The following TUT7 variants were observed in gnomAD, a reference collection of about 807,000 sequenced individuals.
TUT7 encodes the protein terminal uridylyltransferase 7.
TUT7 carries 33 observed loss-of-function variants against 165.9 expected under a neutral mutation model. The ratio of observed to expected loss-of-function variants is 0.20; its 90% CI spans 0.15 to 0.27. The LOEUF is 0.27. Among genes scored for constraint, TUT7 ranks in the 10% least tolerant of loss-of-function variants. TUT7 has a pLI of 1.00. For missense variants in TUT7, 1,338 were observed against 1,762.3 expected, an observed-to-expected ratio of 0.76 and a Z score of 4.31; for synonymous variants, 552 against 608.1, an observed-to-expected ratio of 0.91 and a Z score of 1.36.
chr9:86,330,503 T>C (rs1016419030), intron 10 of TUT7, among the ~76,000 whole-genome samples: 3 of 152,222 alleles, frequency 2.0e-5, no homozygotes, highest in Admixed American at 1.3e-4. Flanking sequence ...TATTTCTTGG[T>C]TGGATGTATG....
chr9:86,341,843 T>G (rs1227256899), intron 6 of TUT7, among the ~76,000 whole-genome samples: 1 of 152,184 alleles, frequency 6.6e-6, no homozygotes, highest in Non-Finnish European at 1.5e-5. Flanking sequence ...CCTTGTCATT[T>G]TCTATCCCTG....
At chr9:86,308,667 C>A in intron 21 of TUT7, 61 bp from the exon 22 acceptor site, 3 of 1,361,682 alleles carry the variant, frequency 2.2e-6, no homozygotes, top group South Asian at 3.2e-5. Context: ...TATCAATATT[C>A]ATTTGTATTT....
intron 26 of TUT7, among the ~76,000 whole-genome samples, chr9:86,292,239 T>C (rs188135897): frequency 1.3e-5 from 2 of 152,292 alleles, no homozygotes; most frequent in East Asian, 1.9e-4. Context: ...TGCCATGATA[T>C]GCCATTTTAA....
In TUT7 at chr9:86,298,014, C is replaced by T. The variant is rs1280881530; in HGVS notation, c.4420+3262G>A. On this transcript the variant is annotated intron_variant, in intron 26 of 26. Coordinates refer to ENST00000375963, the MANE Select transcript of TUT7 (RefSeq NM_024617.4). ...CCTCAGTGATGCTGCAGGACAACAC[C>T]TGTTTCCATCTCTGAGTTTACCAGT... 4.1e-5 allele frequency among the ~76,000 whole-genome samples: 6 copies of T among 147,522 alleles called. No homozygotes were observed. In the East Asian group the frequency reaches 1.3e-3, roughly 31 times the overall value.
At chr9:86,321,080 CG>C (rs1829241654) in intron 14 of TUT7, among the ~76,000 whole-genome samples, 1 of 151,936 alleles carries the variant, frequency 6.6e-6, no homozygotes, top group Non-Finnish European at 1.5e-5. Flanking sequence ...TGGCCGGGAG[CG>C]GTGGCTCACG....
intron 26 of TUT7, 135 bp from the exon 27 acceptor site, chr9:86,288,879 A>C: frequency 3.2e-6 from 2 of 615,778 alleles, no homozygotes; most frequent in Non-Finnish European, 5.7e-6. Context: ...TGAATCAAGT[A>C]ATAAGACTTG....
chr9:86,339,988 T>G, intron 8 of TUT7, 48 bp downstream of exon 8: 1 of 1,465,512 alleles, frequency 6.8e-7, no homozygotes, highest in African/African-American at 1.4e-5. Flanking sequence ...GTACTTGTGC[T>G]TTTGGCAAGT....
chr9:86,303,232 A>G (rs1827114124), intron 24 of TUT7, 31 bp from the exon 25 acceptor site: 2 of 1,262,356 alleles, frequency 1.6e-6, no homozygotes, highest in African/African-American at 3.0e-5. Context: ...AAAAGCCTGA[A>G]CTATTCACGT....
At chr9:86,346,203 G>T in intron 3 of TUT7, 96 bp downstream of exon 3, 2 of 1,163,640 alleles carry the variant, frequency 1.7e-6, no homozygotes, top group Non-Finnish European at 2.4e-6. Context: ...ACCAAAGTAG[G>T]ATATCTAATT....
intron 10 of TUT7, among the ~76,000 whole-genome samples, chr9:86,333,228 C>A (rs968109705): frequency 1.3e-5 from 2 of 152,172 alleles, no homozygotes; most frequent in Admixed American, 1.3e-4. Flanking sequence ...GTTCTTTAAG[C>A]CTTGGCCCCC....
rs764676664 is a variant in TUT7 at position 86,338,995 on chromosome 9, A to C, written c.1209-46T>G. On this transcript the variant is annotated intron_variant, in intron 8 of 26. Transcript: ENST00000375963. Reference sequence around the variant, plus strand: ...AGGATGGGAAAGAAAAAAAGAAAAAAGTGTTACACAGGTCTCAAAGTGTCT... The same window carrying C: ...AGGATGGGAAAGAAAAAAAGAAAAACGTGTTACACAGGTCTCAAAGTGTCT... 3.3e-6 allele frequency: 5 copies of C among 1,496,376 alleles called. No homozygotes were observed. In the South Asian group the frequency reaches 7.0e-5, roughly 21 times the overall value. The allele number at this position is 1,496,376 out of a possible 1,614,324, so 92.7% of individuals were successfully genotyped here.
intron 5 of TUT7, among the ~76,000 whole-genome samples, chr9:86,344,075 T>C (rs2147062): frequency 0.26 from 39,260 of 152,090 alleles, 5,575 homozygotes; most frequent in East Asian, 0.48. Flanking sequence ...CTTATGAAAG[T>C]ATATGCGTTA....
At chr9:86,313,893 AAGT>A (rs1455565835) in intron 17 of TUT7, among the ~76,000 whole-genome samples, 1 of 152,220 alleles carries the variant, frequency 6.6e-6, no homozygotes, top group Non-Finnish European at 1.5e-5. Flanking sequence ...AGGAGAAAAT[AAGT>A]AGGTAGAAGA....
intron 10 of TUT7, among the ~76,000 whole-genome samples, chr9:86,330,753 G>A (rs1332701809): frequency 1.3e-5 from 2 of 152,004 alleles, no homozygotes; most frequent in East Asian, 3.9e-4. Context: ...GCTTTTTGAG[G>A]TGGACCTTTA....
At chr9:86,346,588 G>A in intron 2 of TUT7, 108 bp from the exon 3 acceptor site, 2 of 1,116,480 alleles carry the variant, frequency 1.8e-6, no homozygotes, top group Non-Finnish European at 2.6e-6. Flanking sequence ...AATCACATCT[G>A]CATGCAGAGC....
chr9:86,337,611 C>G (rs914993752), intron 9 of TUT7, 73 bp from the exon 10 acceptor site: 29 of 1,503,262 alleles, frequency 1.9e-5, no homozygotes, highest in African/African-American at 2.8e-5. Flanking sequence ...TGGCCTAAAA[C>G]CTGTAACCTC....
Position 86,353,224 on chromosome 9 carries a change from T to C in TUT7, c.-25A>G, listed in dbSNP as rs1310098579. 3 of 1,534,260 alleles carry C rather than the reference T, an allele frequency of 2.0e-6. No homozygotes were observed. The South Asian group carries it at 3.9e-5, about 20-fold the overall frequency. On this transcript the variant is annotated 5_prime_UTR_variant, in exon 2 of 27. Coordinates refer to ENST00000375963, the MANE Select transcript of TUT7 (RefSeq NM_024617.4). ...TGGTCTTTGACTTCAATTTTCTTACTTTGCACCTGAAAGAAGGTATTTTGG... is the reference window on the plus strand; with the variant it reads ...TGGTCTTTGACTTCAATTTTCTTACCTTGCACCTGAAAGAAGGTATTTTGG...
chr9:86,317,193 T>G, intron 17 of TUT7, 26 bp downstream of exon 17: 1 of 1,603,676 alleles, frequency 6.2e-7, no homozygotes, highest in African/African-American at 1.3e-5. Context: ...GTCAGAAATA[T>G]TTTTAGAAAA....
Position 86,323,226 on chromosome 9 carries a change from T to A in TUT7, c.2524A>T (p.Ile842Phe). Residue 842 changes from isoleucine to phenylalanine, a missense_variant, in exon 13 of 27, where the codon ATT becomes TTT. By Grantham distance (21) the Ile-to-Phe change is conservative (BLOSUM62 0). Transcript: ENST00000375963. ...HSVQGQTSEMIPSDEEEEDDE... is the reference protein window; with the variant it reads ...HSVQGQTSEMFPSDEEEEDDE... ...TCCTCCTCCTCTTCATCAGAGGGAA[T>A]CATTTCTGATGTCTGGCCCTGTACT... 1 of 1,614,170 alleles carries A rather than the reference T, an allele frequency of 6.2e-7. No homozygotes were observed. The highest frequency in any genetic ancestry group is 8.5e-7 in the Non-Finnish European group (1 of 1,180,034).
Sources: gnomAD v4.1 joint callset for allele counts (sites outside exome capture counted in the v4.1 genomes callset) on GRCh38, gnomAD v4.1.1 for gene constraint, MANE v1.5 for transcripts, NCBI Gene and HGNC (gene_info 2026-07-23, HGNC 2026-07-21) for gene names.